The following PRDM11 variants were observed in gnomAD, a reference collection of about 807,000 sequenced individuals.
PRDM11 encodes PR/SET domain 11, also known as PR domain-containing protein 11.
In PRDM11, 20 loss-of-function variants were observed where a neutral mutation model predicts 97.8. The ratio of observed to expected loss-of-function variants is 0.20; its 90% CI spans 0.14 to 0.30. The LOEUF (loss-of-function observed/expected upper bound fraction) is 0.30. Ranked by LOEUF, PRDM11 falls within the 10% of genes least tolerant of loss-of-function variation. The probability of loss-of-function intolerance (pLI) is 1.00; values close to 1 mark genes in which losing one functional copy is unlikely to be tolerated. For synonymous variants in PRDM11, 599 were observed against 637.7 expected (o/e 0.94, Z 0.91); for missense variants, 1,139 against 1,555.2 (o/e 0.73, Z 4.50).
At chr11:45,195,515 G>C (rs973102539) in intron 4 of PRDM11, among the ~76,000 whole-genome samples, 5 of 151,292 alleles carry the variant, frequency 3.3e-5, no homozygotes, top group African/African-American at 1.2e-4. Context: ...TTCGCTTCAT[G>C]TTTTCAAGGT....
At chr11:45,169,797 C>A (rs1049907152) in intron 1 of PRDM11, among the ~76,000 whole-genome samples, 1 of 152,194 alleles carries the variant, frequency 6.6e-6, no homozygotes, top group African/African-American at 2.4e-5. Flanking sequence ...ATGCTCTTAA[C>A]CACCATTTTC....
chr11:45,175,386 C>T (rs1013745475), intron 1 of PRDM11, among the ~76,000 whole-genome samples: 2 of 152,188 alleles, frequency 1.3e-5, no homozygotes, highest in Admixed American at 1.3e-4. Context: ...TGGAATCATA[C>T]AGTATGTACC....
At chr11:45,131,717 C>T (rs1375296473) in intron 1 of PRDM11, among the ~76,000 whole-genome samples, 2 of 152,126 alleles carry the variant, frequency 1.3e-5, no homozygotes, top group Non-Finnish European at 2.9e-5. Context: ...AATGAAAGAG[C>T]ATGCTCAAAA....
intron 1 of PRDM11, among the ~76,000 whole-genome samples, chr11:45,150,418 A>T (rs1851631916): frequency 6.6e-6 from 1 of 152,162 alleles, no homozygotes; most frequent in Non-Finnish European, 1.5e-5. Flanking sequence ...TTGGGTTTGC[A>T]CTTGAGAGTT....
chr11:45,163,343 C>G (rs1851976322), intron 1 of PRDM11, among the ~76,000 whole-genome samples: 1 of 152,214 alleles, frequency 6.6e-6, no homozygotes, highest in Non-Finnish European at 1.5e-5. Context: ...CAATAACGAG[C>G]CCATCTTTAA....
chr11:45,152,534 T>G (rs1851684745), intron 1 of PRDM11, among the ~76,000 whole-genome samples: 2 of 152,194 alleles, frequency 1.3e-5, no homozygotes, highest in Non-Finnish European at 2.9e-5. Flanking sequence ...GAGAGCTGGG[T>G]TTTTTGTTAC....
At position 45,227,173 on chromosome 11, in the gene PRDM11, A is replaced by C. The variant is rs1347339441; in HGVS notation, c.2548A>C (p.Lys850Gln). The change falls in exon 8 of 8, where the codon AAG becomes CAG. Residue 850 changes from lysine to glutamine, a missense_variant. By Grantham distance (53) the Lys-to-Gln change is moderately conservative. This residue lies in a region of PRDM11 where 710 missense variants were observed against 1,044.9 expected (regional missense o/e 0.68). Coordinates refer to ENST00000683152, the MANE Select transcript of PRDM11 (RefSeq NM_001384648.1). The surrounding 1 kb of genome is among the most constrained non-coding windows in gnomAD (Gnocchi z 8.0). ...KDYLEVVAHL[K>Q]EVSSQTQRAD... Reference sequence around the variant, plus strand: ...CTACCTGGAGGTGGTGGCCCATCTCAAGGAGGTCAGCAGCCAGACCCAGCG... The same window carrying C: ...CTACCTGGAGGTGGTGGCCCATCTCCAGGAGGTCAGCAGCCAGACCCAGCG... 2.0e-6 allele frequency: 3 copies of C among 1,533,786 alleles called. No individual in the cohort carries two copies. Among genetic ancestry groups the C allele is most frequent in the African/African-American group, 1.4e-5 (1 of 72,972 alleles).
chr11:45,161,105 G>C (rs1333807417), intron 1 of PRDM11, among the ~76,000 whole-genome samples: 3 of 150,366 alleles, frequency 2.0e-5, no homozygotes. Flanking sequence ...CTGTGCCTTA[G>C]TTCTATCCTC....
intron 1 of PRDM11, among the ~76,000 whole-genome samples, chr11:45,152,252 A>T (rs1851677397): frequency 6.6e-6 from 1 of 152,092 alleles, no homozygotes; most frequent in Non-Finnish European, 1.5e-5. Flanking sequence ...TTTTCAGTAG[A>T]GACTGGGGTC....
rs2135869409 is a variant in PRDM11, at chr11:45,232,198, A to G, written c.*4039A>G. The G allele has an allele frequency of 1.3e-5, 2 of 152,338 alleles. No homozygotes were observed. The highest frequency in any genetic ancestry group is 4.1e-4 in the South Asian group (2 of 4,822). The allele number at this position is 152,338 out of a possible 1,614,324, so 9.4% of individuals were successfully genotyped here. A position where few individuals can be genotyped will look rare whatever the true frequency, so the allele number is the denominator to read the frequency against. On this transcript the variant is annotated 3_prime_UTR_variant, in exon 8 of 8. Transcript: ENST00000683152. The stretch of plus-strand genomic sequence containing the variant: ...GGGGAAAGCATGCAGAAGGCTGGAA[A>G]CAATAGCTGAGACCCTACTGTGGGC...
rs1854354881 is a variant in PRDM11 at position 45,229,483 on chromosome 11, GACACACACACACACA to G, written c.*1325_*1339del. ...CTACACAGACACACACACACACACAGACACACACACACACACAGACACACACACACACACACAATC... is the reference window on the plus strand; with the variant it reads ...CTACACAGACACACACACACACACAGCAGACACACACACACACACACAATC... On this transcript the variant is annotated 3_prime_UTR_variant, in exon 8 of 8. Coordinates refer to ENST00000683152, the MANE Select transcript of PRDM11 (RefSeq NM_001384648.1). 3 of 147,684 alleles carry G rather than the reference GACACACACACACACA, an allele frequency of 2.0e-5. No individual in the cohort carries two copies. The highest frequency in any genetic ancestry group is 7.4e-5 in the African/African-American group (3 of 40,358). 9.1% of individuals were successfully genotyped at this position (147,684 alleles called of 1,614,324 possible).
At chr11:45,163,064 A>G (rs1483658324) in intron 1 of PRDM11, among the ~76,000 whole-genome samples, 1 of 152,152 alleles carries the variant, frequency 6.6e-6, no homozygotes, top group Non-Finnish European at 1.5e-5. Context: ...CTGTGTCCCA[A>G]GGAGTGGGTG....
rs1034660119 is a variant in PRDM11, at chr11:45,228,715, G to A, written c.*556G>A. On this transcript the variant is annotated 3_prime_UTR_variant, in exon 8 of 8. Coordinates refer to ENST00000683152, the MANE Select transcript of PRDM11 (RefSeq NM_001384648.1). ...TTGTCTGTCTGCATTTGGGAGGCAG[G>A]GGGGTTGACCTTTCTCCCTCCCCAC... 6.6e-6 allele frequency: 1 copy of A among 152,092 alleles called. No homozygotes were observed. The highest frequency in any genetic ancestry group is 1.5e-5 in the Non-Finnish European group (1 of 68,034). 9.4% of individuals were successfully genotyped at this position (152,092 alleles called of 1,614,324 possible).
At chr11:45,157,354 C>T (rs1048914828) in intron 1 of PRDM11, among the ~76,000 whole-genome samples, 3 of 152,142 alleles carry the variant, frequency 2.0e-5, no homozygotes, top group African/African-American at 7.2e-5. Context: ...CCCTCGCATG[C>T]GCAGTTCACG....
chr11:45,136,240 G>C (rs761337759), intron 1 of PRDM11, among the ~76,000 whole-genome samples: 1 of 152,208 alleles, frequency 6.6e-6, no homozygotes, highest in Admixed American at 6.5e-5. Flanking sequence ...GGGAAGAAGA[G>C]AAAATGTTTC....
rs1487230462 is a variant in PRDM11 at position 45,228,499 on chromosome 11, G to C, written c.*340G>C. 1 of 152,032 alleles carries C rather than the reference G, an allele frequency of 6.6e-6. No homozygotes were observed. Among genetic ancestry groups the C allele is most frequent in the African/African-American group, 2.4e-5 (1 of 41,390 alleles). 9.4% of individuals were successfully genotyped at this position (152,032 alleles called of 1,614,324 possible). On this transcript the variant is annotated 3_prime_UTR_variant, in exon 8 of 8. Transcript: ENST00000683152. ...ACCAACAGCATAAGCTAAAATGACA[G>C]GTCTCTGTCATCACCTTTAGGTAGC...
chr11:45,108,302 G>C (rs978240092), intron 1 of PRDM11, among the ~76,000 whole-genome samples: 1 of 152,282 alleles, frequency 6.6e-6, no homozygotes, highest in East Asian at 1.9e-4. Flanking sequence ...TCTTACGTGG[G>C]ATCCCCGTGT....
At chr11:45,160,993 G>A (rs1851914278) in intron 1 of PRDM11, among the ~76,000 whole-genome samples, 1 of 152,150 alleles carries the variant, frequency 6.6e-6, no homozygotes, top group African/African-American at 2.4e-5. Context: ...TCTCTCTTGG[G>A]CAGCTGTTGT....
At position 45,199,408 on chromosome 11, in the gene PRDM11, C is replaced by T. The variant is rs112836026; in HGVS notation, c.487-5303C>T. Among the ~76,000 whole-genome samples the T allele has an allele frequency of 4.4e-3, 668 of 152,286 alleles. 6 individuals are homozygous for T. The highest frequency in any genetic ancestry group is 0.015 in the African/African-American group (618 of 41,550). ...GCCTGTATCCCTCTAGATGCATGCG[C>T]GTTCTAACCATCCTGTCCCCACGAC... On this transcript the variant is annotated intron_variant, in intron 4 of 7. Transcript: ENST00000683152.
Sources: gnomAD v4.1 joint callset for allele counts (sites outside exome capture counted in the v4.1 genomes callset) on GRCh38, gnomAD v4.1.1 for gene constraint, gnomAD v4.1.1 regional missense constraint, Gnocchi (gnomAD v3.1) non-coding constraint, MANE v1.5 for transcripts, NCBI Gene and HGNC (gene_info 2026-07-23, HGNC 2026-07-21) for gene names.